Variants in SPNS2 observed in about 807,000 individuals in gnomAD.
SPNS2 encodes SPNS lysolipid transporter 2, sphingosine-1-phosphate, also known as sphingosine-1-phosphate transporter SPNS2.
A neutral mutation model predicts 57.6 loss-of-function variants in SPNS2; 37 were observed. The observed-to-expected ratio is 0.64, with a 90% confidence interval of 0.49 to 0.85. SPNS2 has a LOEUF of 0.85. Ranked by LOEUF, SPNS2 falls within the 40% of genes least tolerant of loss-of-function variation. The pLI is 0.00. For missense variants in SPNS2, 831 were observed against 779.1 expected, an observed-to-expected ratio of 1.07 and a Z score of -0.79; for synonymous variants, 440 against 346.9, an observed-to-expected ratio of 1.27 and a Z score of -2.98.
chr17:4,536,488 C>G (rs569404883), intron 11 of SPNS2, 62 bp downstream of exon 11: 7 of 1,532,582 alleles, frequency 4.6e-6, no homozygotes, highest in South Asian at 2.3e-5. Flanking sequence ...TGATAGCCAC[C>G]GTGAGCCCTG....
In SPNS2 at chr17:4,535,762, G is replaced by A. The variant is rs542771480; in HGVS notation, c.1345-314G>A. Among the ~76,000 whole-genome samples, 19 of 152,272 alleles carry A rather than the reference G, an allele frequency of 1.2e-4. No homozygotes were observed. The East Asian group carries it at 3.7e-3, about 29-fold the overall frequency. On this transcript the variant is annotated intron_variant, in intron 9 of 12. Coordinates refer to ENST00000329078, the MANE Select transcript of SPNS2 (RefSeq NM_001124758.3). Reference sequence around the variant, plus strand: ...AGGTTTGAGGCCAATGACGCTTTCAGTATGGGGCAGGTCGCAGTGGTCTGG... The same window carrying A: ...AGGTTTGAGGCCAATGACGCTTTCAATATGGGGCAGGTCGCAGTGGTCTGG...
chr17:4,526,485 C>T (rs977012032), intron 3 of SPNS2, among the ~76,000 whole-genome samples: 7 of 152,076 alleles, frequency 4.6e-5, no homozygotes, highest in African/African-American at 1.7e-4. Context: ...TGCCTATAAT[C>T]CCAGCTACTT....
intron 1 of SPNS2, among the ~76,000 whole-genome samples, chr17:4,505,032 C>T (rs1904636210): frequency 6.6e-6 from 1 of 152,236 alleles, no homozygotes. Context: ...GCGCTTGTCC[C>T]TGGTGGGTCT....
rs2144394033 is a variant in SPNS2, at chr17:4,538,045, G to GGGTACTCCCT, written c.*600_*609dup. ...AATGAAGCTGGGCGCCCAAGTCTCT[G>GGGTACTCCCT]GGTACTCCCTGGAGGACACTGTCTC... On this transcript the variant is annotated 3_prime_UTR_variant, in exon 13 of 13. Coordinates refer to ENST00000329078, the MANE Select transcript of SPNS2 (RefSeq NM_001124758.3). 1 of 351,710 alleles carries GGGTACTCCCT rather than the reference G, an allele frequency of 2.8e-6. No individual in the cohort carries two copies. Among genetic ancestry groups the GGGTACTCCCT allele is most frequent in the South Asian group, 2.1e-5 (1 of 46,526 alleles). The allele number at this position is 351,710 out of a possible 1,614,324, so 21.8% of individuals were successfully genotyped here.
chr17:4,515,548 G>A (rs1048842605), intron 2 of SPNS2, among the ~76,000 whole-genome samples: 1 of 152,180 alleles, frequency 6.6e-6, no homozygotes, highest in African/African-American at 2.4e-5. Flanking sequence ...CACCTACCCC[G>A]GCACAGCTAG....
chr17:4,505,925 G>GTCCATCCC (rs1904664982), intron 1 of SPNS2, among the ~76,000 whole-genome samples: 1 of 152,202 alleles, frequency 6.6e-6, no homozygotes, highest in African/African-American at 2.4e-5. Context: ...CAGGCATGGG[G>GTCCATCCC]TTCCTGAATG....
At chr17:4,534,952 C>G (rs1905702105) in intron 9 of SPNS2, among the ~76,000 whole-genome samples, 1 of 152,170 alleles carries the variant, frequency 6.6e-6, no homozygotes, top group Non-Finnish European at 1.5e-5. Flanking sequence ...TTAAGTGTAA[C>G]AGTTTATTCC....
chr17:4,533,272 C>A lies in SPNS2; in HGVS notation c.1118C>A (p.Thr373Lys). The A allele has an allele frequency of 6.2e-7, 1 of 1,608,302 alleles. No homozygotes were observed. Among genetic ancestry groups the A allele is most frequent in the African/African-American group, 1.3e-5 (1 of 74,924 alleles). The change falls in exon 8 of 13, where the codon ACG becomes AAG. Residue 373 changes from threonine to lysine, a missense_variant. By Grantham distance (78) the Thr-to-Lys change is moderately conservative (BLOSUM62 -1). Coordinates refer to ENST00000329078, the MANE Select transcript of SPNS2 (RefSeq NM_001124758.3). ...ATCTTTGGGGCCATCACCTGCTTTA[C>A]GGGATTTCTGGGCGTGGTCACGGGG... Reference protein sequence around the residue: ...SLIFGAITCFTGFLGVVTGAG... With the variant: ...SLIFGAITCFKGFLGVVTGAG...
At chr17:4,504,024 A>T (rs538731616) in intron 1 of SPNS2, among the ~76,000 whole-genome samples, 154 of 150,216 alleles carry the variant, frequency 1.0e-3, no homozygotes, top group African/African-American at 3.6e-3. Context: ...TCTATCCAGA[A>T]TTGAAAGATG....
In SPNS2 at chr17:4,510,096, C is replaced by T. The variant is rs995861843; in HGVS notation, c.371-3151C>T. Among the ~76,000 whole-genome samples, 6 of 152,388 alleles carry T rather than the reference C, an allele frequency of 3.9e-5. No individual in the cohort carries two copies. The highest frequency in any genetic ancestry group is 2.6e-4 in the Admixed American group (4 of 15,312). ...GCTGCTGTGACACACGCTTCCCGTG[C>T]CAGCGGCCAGCGGGATCTCACCCTC... On this transcript the variant is annotated intron_variant, in intron 1 of 12. Coordinates refer to ENST00000329078, the MANE Select transcript of SPNS2 (RefSeq NM_001124758.3). The surrounding 1 kb of genome is among the most constrained non-coding windows in gnomAD (Gnocchi z 4.4).
rs1305915685 is a variant in SPNS2 at position 4,535,772 on chromosome 17, G to A, written c.1345-304G>A. On this transcript the variant is annotated intron_variant, in intron 9 of 12. Coordinates refer to ENST00000329078, the MANE Select transcript of SPNS2 (RefSeq NM_001124758.3). ...CCAATGACGCTTTCAGTATGGGGCA[G>A]GTCGCAGTGGTCTGGGTTGGAGGTG... Among the ~76,000 whole-genome samples, 3 of 152,162 alleles carry A rather than the reference G, an allele frequency of 2.0e-5. No homozygotes were observed. In the East Asian group the frequency reaches 5.8e-4, roughly 29 times the overall value.
intron 9 of SPNS2, among the ~76,000 whole-genome samples, chr17:4,535,428 A>G (rs1186877543): frequency 6.6e-6 from 1 of 152,170 alleles, no homozygotes; most frequent in Admixed American, 6.5e-5. Flanking sequence ...AGGTGAGGAC[A>G]AATGGCTGTG....
chr17:4,500,304 G>A (rs1488768856), intron 1 of SPNS2, among the ~76,000 whole-genome samples: 2 of 152,172 alleles, frequency 1.3e-5, no homozygotes, highest in African/African-American at 4.8e-5. Flanking sequence ...TTGCCCGTTT[G>A]TGAGTTGATT....
intron 2 of SPNS2, 120 bp downstream of exon 2, chr17:4,513,432 T>A: frequency 9.3e-7 from 1 of 1,069,998 alleles, no homozygotes; most frequent in Non-Finnish European, 1.4e-6. Flanking sequence ...GGAAAGAGAG[T>A]GGGCTTTGCA....
At chr17:4,536,667 CA>C in intron 11 of SPNS2, 1 of 662,946 alleles carries the variant, frequency 1.5e-6, no homozygotes, top group East Asian at 2.7e-5. Flanking sequence ...TAGTGGTTTT[CA>C]AAGCTGGGGC....
intron 3 of SPNS2, among the ~76,000 whole-genome samples, chr17:4,529,317 C>T (rs1905359513): frequency 6.6e-6 from 1 of 151,888 alleles, no homozygotes. Context: ...TGGCCTCAAG[C>T]AATCCTCCTG....
At position 4,512,631 on chromosome 17, in the gene SPNS2, A is replaced by AGT. The variant is rs1491477220; in HGVS notation, c.371-604_371-603dup. 2.0e-5 allele frequency among the ~76,000 whole-genome samples: 3 copies of AGT among 149,930 alleles called. No homozygotes were observed. The highest frequency in any genetic ancestry group is 2.1e-4 in the South Asian group (1 of 4,760). On this transcript the variant is annotated intron_variant, in intron 1 of 12. Coordinates refer to ENST00000329078, the MANE Select transcript of SPNS2 (RefSeq NM_001124758.3). The surrounding 1 kb of genome is among the most constrained non-coding windows in gnomAD (Gnocchi z 5.2). ...TAATCCTGAGGGCAGCTGGGGTGACAGTGTGTGTGTGTGCGTGCGCGCGCA... is the reference window on the plus strand; with the variant it reads ...TAATCCTGAGGGCAGCTGGGGTGACAGTGTGTGTGTGTGTGCGTGCGCGCGCA...
intron 3 of SPNS2, 79 bp from the exon 4 acceptor site, chr17:4,530,553 A>G: frequency 6.1e-6 from 9 of 1,484,960 alleles, no homozygotes; most frequent in Non-Finnish European, 6.4e-6. Flanking sequence ...CTGCAGGGGG[A>G]GGGAGCAAAG....
At position 4,526,246 on chromosome 17, in the gene SPNS2, G is replaced by C. The variant is rs146944730; in HGVS notation, c.573+1053G>C. 4.1e-3 allele frequency among the ~76,000 whole-genome samples: 630 copies of C among 152,338 alleles called. 3 individuals carry two copies. The highest frequency in any genetic ancestry group is 7.1e-3 in the Non-Finnish European group (484 of 68,036). ...CAGGACTGTGAGATCAGGCCTTTTG[G>C]TGAAGGTAGCATGGGCAGAGGGAGC... On this transcript the variant is annotated intron_variant, in intron 3 of 12. Transcript: ENST00000329078.
Sources: gnomAD v4.1 joint callset for allele counts (sites outside exome capture counted in the v4.1 genomes callset) on GRCh38, gnomAD v4.1.1 for gene constraint, Gnocchi (gnomAD v3.1) non-coding constraint, MANE v1.5 for transcripts, NCBI Gene and HGNC (gene_info 2026-07-23, HGNC 2026-07-21) for gene names.